The following CUX2 variants were observed in gnomAD, a reference collection of about 807,000 sequenced individuals.
CUX2 encodes the protein homeobox protein cut-like 2.
In CUX2, 40 loss-of-function variants were observed where a neutral mutation model predicts 144.8. The ratio of observed to expected loss-of-function variants is 0.28; its 90% CI spans 0.21 to 0.36. The LOEUF (loss-of-function observed/expected upper bound fraction) is 0.36, where lower values mean the gene tolerates loss of function less well. Ranked by LOEUF, CUX2 falls within the 10% of genes least tolerant of loss-of-function variation. The pLI is 1.00. For synonymous variants in CUX2, 827 were observed against 875.6 expected (o/e 0.94, Z 0.98); for missense variants, 1,615 against 1,994.0 (o/e 0.81, Z 3.62).
intron 1 of CUX2, among the ~76,000 whole-genome samples, chr12:111,155,131 A>T (rs538292806): frequency 6.6e-6 from 1 of 152,330 alleles, no homozygotes; most frequent in Non-Finnish European, 1.5e-5. Flanking sequence ...AAGTTGAGTG[A>T]TTAAAGATGC....
chr12:111,044,715 T>C (rs146333679), intron 1 of CUX2, among the ~76,000 whole-genome samples: 2 of 152,338 alleles, frequency 1.3e-5, no homozygotes, highest in East Asian at 3.9e-4. Flanking sequence ...TCAATAAATA[T>C]TTGATTGATG....
At position 111,320,385 on chromosome 12, in the gene CUX2, C is replaced by A. The variant is rs769797964; in HGVS notation, c.2376C>A (p.Asp792Glu). The A allele has an allele frequency of 6.3e-7, 1 of 1,598,040 alleles. No homozygotes were observed. Among genetic ancestry groups the A allele is most frequent in the Admixed American group, 1.7e-5 (1 of 59,964 alleles). ...ACTTCGACCACCACTGGGCCTCCGACCGCGGCCTGCTCAGCCGCCCCTACG... is the reference window on the plus strand; with the variant it reads ...ACTTCGACCACCACTGGGCCTCCGAACGCGGCCTGCTCAGCCGCCCCTACG... Reference protein sequence around the residue: ...AGYFDHHWASDRGLLSRPYAS... With the variant: ...AGYFDHHWASERGLLSRPYAS... Residue 792 changes from aspartate (D) to glutamate (E), a missense_variant, in exon 17 of 22, where the codon GAC becomes GAA. Transcript: ENST00000261726. This position sits in a 1 kb window ranked among gnomAD's most constrained non-coding sequence, Gnocchi z 8.1.
intron 16 of CUX2, among the ~76,000 whole-genome samples, chr12:111,319,013 G>A (rs1202803819): frequency 1.3e-5 from 2 of 152,070 alleles, no homozygotes; most frequent in Admixed American, 1.3e-4. Flanking sequence ...TGGATTCATT[G>A]CTATTAGAAC....
intron 1 of CUX2, among the ~76,000 whole-genome samples, chr12:111,073,459 AC>A (rs1328611323): frequency 6.6e-6 from 1 of 152,060 alleles, no homozygotes; most frequent in African/African-American, 2.4e-5. Context: ...GCTGTTAGGA[AC>A]ATTTGTTCAT....
intron 1 of CUX2, among the ~76,000 whole-genome samples, chr12:111,104,960 G>A (rs949423201): frequency 1.3e-5 from 2 of 152,186 alleles, no homozygotes. Flanking sequence ...TGGATGAATG[G>A]GGCGTGAGTC....
At chr12:111,159,249 T>A (rs1407563757) in intron 1 of CUX2, among the ~76,000 whole-genome samples, 1 of 151,764 alleles carries the variant, frequency 6.6e-6, no homozygotes. Context: ...TGGGCTCAAG[T>A]CATCCCGCCT....
At chr12:111,345,735 C>CA (rs762939855) in intron 21 of CUX2, among the ~76,000 whole-genome samples, 299 of 50,486 alleles carry the variant, frequency 5.9e-3, no homozygotes, top group Middle Eastern at 0.018. Context: ...GACTCCGTCT[C>CA]AAAAAAAAAA....
rs1231911924 is a variant in CUX2 at position 111,255,388 on chromosome 12, G to C, written c.223-8373G>C. On this transcript the variant is annotated intron_variant, in intron 3 of 21. Transcript: ENST00000261726. This position sits in a 1 kb window ranked among gnomAD's most constrained non-coding sequence, Gnocchi z 4.1. ...AGCGGCATCACTGATGGATGGCAGA[G>C]AGCACGTTAGCACTCGCCAGGGAAC... is the stretch of plus-strand genomic sequence containing the variant. 2.0e-5 allele frequency among the ~76,000 whole-genome samples: 3 copies of C among 152,252 alleles called. No individual in the cohort carries two copies. Among genetic ancestry groups the C allele is most frequent in the African/African-American group, 7.2e-5 (3 of 41,472 alleles).
In CUX2 at chr12:111,044,912, G is replaced by A. The variant is rs77337851; in HGVS notation, c.63+10672G>A. Among the ~76,000 whole-genome samples the A allele has an allele frequency of 4.1e-3, 620 of 152,286 alleles. 23 individuals are homozygous for A. The East Asian group carries it at 0.073, about 18-fold the overall frequency. ...GTTTACCTTTAGCTCCATCAGTCTC[G>A]CCTTAGGGTGACCTCAGTTCCAACC... On this transcript the variant is annotated intron_variant, in intron 1 of 21. Coordinates refer to ENST00000261726, the MANE Select transcript of CUX2 (RefSeq NM_015267.4).
chr12:111,343,483 G>A (rs1226710095), intron 21 of CUX2, among the ~76,000 whole-genome samples: 4 of 152,128 alleles, frequency 2.6e-5, no homozygotes, highest in Admixed American at 6.5e-5. Context: ...TGGTACCAGA[G>A]AAGAAAATCC....
chr12:111,223,962 A>G (rs371221155), intron 3 of CUX2, among the ~76,000 whole-genome samples: 7 of 152,108 alleles, frequency 4.6e-5, no homozygotes, highest in African/African-American at 1.7e-4. Context: ...GGTGCTTAGC[A>G]TCATCTGTCT....
At chr12:111,129,497 T>A (rs920893269) in intron 1 of CUX2, among the ~76,000 whole-genome samples, 1 of 152,236 alleles carries the variant, frequency 6.6e-6, no homozygotes, top group East Asian at 1.9e-4. Context: ...ATTCAGGCAA[T>A]GAAACCACAT....
chr12:111,332,301 T>A (rs771592572), intron 18 of CUX2, among the ~76,000 whole-genome samples: 10 of 151,278 alleles, frequency 6.6e-5, no homozygotes, highest in Non-Finnish European at 1.2e-4. Flanking sequence ...CCCAGCTAAT[T>A]TTTGTATTTT....
chr12:111,041,713 A>G (rs1054527022), intron 1 of CUX2, among the ~76,000 whole-genome samples: 3 of 152,208 alleles, frequency 2.0e-5, no homozygotes, highest in Non-Finnish European at 2.9e-5. Flanking sequence ...ATTTCCAGGC[A>G]GAGGGAACAC....
intron 4 of CUX2, among the ~76,000 whole-genome samples, chr12:111,274,075 G>T (rs985596199): frequency 2.6e-5 from 4 of 152,000 alleles, no homozygotes; most frequent in African/African-American, 4.8e-5. Context: ...GTTTTTGGGG[G>T]TTTTTTTGTT....
intron 8 of CUX2, 46 bp from the exon 9 acceptor site, chr12:111,298,495 G>T: frequency 6.5e-7 from 1 of 1,547,256 alleles, no homozygotes; most frequent in Non-Finnish European, 8.7e-7. Flanking sequence ...CGGGGGCCTG[G>T]AGCCCGCCGG....
intron 2 of CUX2, 102 bp from the exon 3 acceptor site, chr12:111,217,788 C>A: frequency 8.0e-7 from 1 of 1,254,348 alleles, no homozygotes; most frequent in Non-Finnish European, 1.2e-6. Flanking sequence ...ACGGGACATG[C>A]TTGGGAAATG....
chr12:111,298,532 G>C lies in CUX2; in HGVS notation c.705-9G>C, dbSNP rs1015543429. 24 of 1,573,694 alleles carry C rather than the reference G, an allele frequency of 1.5e-5. No individual in the cohort carries two copies. Among genetic ancestry groups the C allele is most frequent in the East Asian group, 6.9e-5 (3 of 43,666 alleles). ...AGCCCTTCCTCAGGGCCTCATCTTT[G>C]TGTCTCAGGGCAGATGAAGTCGGCC... On this transcript the variant is annotated splice_polypyrimidine_tract_variant and intron_variant, in intron 8 of 21. Coordinates refer to ENST00000261726, the MANE Select transcript of CUX2 (RefSeq NM_015267.4).
intron 1 of CUX2, among the ~76,000 whole-genome samples, chr12:111,038,728 A>T (rs1463683889): frequency 1.3e-5 from 2 of 152,266 alleles, no homozygotes; most frequent in African/African-American, 4.8e-5. Context: ...GAATGCTAGA[A>T]GAAAAAACAA....
Sources: gnomAD v4.1 joint callset for allele counts (sites outside exome capture counted in the v4.1 genomes callset) on GRCh38, gnomAD v4.1.1 for gene constraint, Gnocchi (gnomAD v3.1) non-coding constraint, MANE v1.5 for transcripts, NCBI Gene and HGNC (gene_info 2026-07-23, HGNC 2026-07-21) for gene names.